Variants in NXPE4 observed in about 807,000 individuals in gnomAD.
The protein encoded by NXPE4 is NXPE family member 4.
A neutral mutation model predicts 33.3 loss-of-function variants in NXPE4; 42 were observed. That is an observed-to-expected ratio of 1.26 (90% CI 0.98 to 1.63). The LOEUF is 1.63. NXPE4 is among the 40% of genes most tolerant of loss of function. The pLI, the probability that NXPE4 is intolerant of heterozygous loss-of-function variation, is 0.00. For synonymous variants in NXPE4, 253 were observed against 234.9 expected (o/e 1.08, Z -0.71); for missense variants, 709 against 647.6 (o/e 1.09, Z -1.03).
At chr11:114,601,772 T>TTA in the NXPE4 span, among the ~76,000 whole-genome samples, 3 of 72,720 alleles carry the variant, frequency 4.1e-5, no homozygotes, top group Admixed American at 2.6e-4. Context: ...TGATTATATA[T>TTA]TATAATTATA....
intron 2 of NXPE4, among the ~76,000 whole-genome samples, chr11:114,589,585 T>TTA (rs1253234498): frequency 6.6e-6 from 1 of 152,150 alleles, no homozygotes; most frequent in African/African-American, 2.4e-5. Flanking sequence ...GCCAGCATAC[T>TTA]TATAGCCCCA....
chr11:114,614,152 A>T, the NXPE4 span, among the ~76,000 whole-genome samples: 2 of 146,940 alleles, frequency 1.4e-5, no homozygotes, highest in African/African-American at 5.1e-5. Flanking sequence ...GTGCTGCCTC[A>T]TGGGTACCAA....
Position 114,571,239 on chromosome 11 carries a change from T to G in NXPE4, c.1334A>C (p.Asp445Ala), listed in dbSNP as rs202233557. ...ATTGAGGGCCCTTCGGATAAAAACA[T>G]CAATGGGAAAGGGTCTGAAATGCTG... Reference protein sequence around the residue: ...LGQHFRPFPIDVFIRRALNVH... With the variant: ...LGQHFRPFPIAVFIRRALNVH... The change falls in exon 6 of 6, where the codon GAT (aspartate) becomes GCT (alanine). Residue 445 changes from aspartate (D) to alanine (A), a missense_variant. By Grantham distance (126) the Asp-to-Ala change is moderately radical (BLOSUM62 -2). Coordinates refer to ENST00000375478, the MANE Select transcript of NXPE4 (RefSeq NM_001077639.2). The G allele has an allele frequency of 1.7e-5, 27 of 1,613,904 alleles. No individual in the cohort carries two copies. The highest frequency in any genetic ancestry group is 1.7e-5 in the Admixed American group (1 of 59,972).
chr11:114,641,637 A>T, the NXPE4 span, among the ~76,000 whole-genome samples: 64,420 of 151,688 alleles, frequency 0.42, 15,007 homozygotes, highest in African/African-American at 0.61. Context: ...AAAAGTAGAA[A>T]TCAAGAAATC....
chr11:114,572,499 A>G (rs1948913310), intron 5 of NXPE4, among the ~76,000 whole-genome samples: 1 of 152,210 alleles, frequency 6.6e-6, no homozygotes, highest in Non-Finnish European at 1.5e-5. Flanking sequence ...TTCTTCAGTG[A>G]AATAGATAGT....
chr11:114,660,864 A>G, the NXPE4 span, among the ~76,000 whole-genome samples: 1 of 152,154 alleles, frequency 6.6e-6, no homozygotes, highest in Non-Finnish European at 1.5e-5. Flanking sequence ...TCTACATAAA[A>G]TCTACCAGAA....
At chr11:114,637,004 T>A in the NXPE4 span, among the ~76,000 whole-genome samples, 1 of 152,158 alleles carries the variant, frequency 6.6e-6, no homozygotes, top group Non-Finnish European at 1.5e-5. Context: ...CTGAGTTCAA[T>A]TCCTGGGTAT....
At chr11:114,632,295 C>A in the NXPE4 span, among the ~76,000 whole-genome samples, 2 of 133,756 alleles carry the variant, frequency 1.5e-5, no homozygotes, top group Non-Finnish European at 3.1e-5. Flanking sequence ...TGTATATTAT[C>A]CACCACCACC....
intron 5 of NXPE4, among the ~76,000 whole-genome samples, chr11:114,571,943 A>T (rs1228662676): frequency 1.3e-5 from 2 of 152,206 alleles, no homozygotes; most frequent in Non-Finnish European, 2.9e-5. Flanking sequence ...AGGCCAACGA[A>T]CACAAAACCA....
At chr11:114,628,894 C>T in the NXPE4 span, among the ~76,000 whole-genome samples, 3 of 152,042 alleles carry the variant, frequency 2.0e-5, no homozygotes, top group South Asian at 6.2e-4. Context: ...CTACAAACAC[C>T]TCTATGCAAA....
chr11:114,623,492 T>G, the NXPE4 span, among the ~76,000 whole-genome samples: 1 of 152,128 alleles, frequency 6.6e-6, no homozygotes, highest in African/African-American at 2.4e-5. Context: ...GGGTAACCAC[T>G]GTTACCCAGT....
the NXPE4 span, among the ~76,000 whole-genome samples, chr11:114,609,951 C>T: frequency 6.6e-6 from 1 of 151,904 alleles, no homozygotes; most frequent in East Asian, 2.0e-4. Flanking sequence ...CGTGGGTAAC[C>T]ACTGTTACAC....
the NXPE4 span, among the ~76,000 whole-genome samples, chr11:114,612,892 G>T: frequency 6.6e-6 from 1 of 151,908 alleles, no homozygotes; most frequent in East Asian, 1.9e-4. Flanking sequence ...GTTGCCTCAC[G>T]GGTAAGCACT....
At chr11:114,585,187 C>T (rs1949262806) in intron 2 of NXPE4, among the ~76,000 whole-genome samples, 1 of 151,700 alleles carries the variant, frequency 6.6e-6, no homozygotes, top group South Asian at 2.1e-4. Context: ...CTGTCTTCCC[C>T]CAGTTCTGCA....
the NXPE4 span, among the ~76,000 whole-genome samples, chr11:114,607,597 C>A: frequency 6.6e-6 from 1 of 151,890 alleles, no homozygotes. Flanking sequence ...ATAAGTCATG[C>A]CTCGTGAGTA....
At chr11:114,638,417 C>T in the NXPE4 span, among the ~76,000 whole-genome samples, 42 of 151,990 alleles carry the variant, frequency 2.8e-4, no homozygotes, top group Non-Finnish European at 5.1e-4. Context: ...TGAATTTCCT[C>T]CTGTAGCTCA....
the NXPE4 span, among the ~76,000 whole-genome samples, chr11:114,626,177 G>A: frequency 1.3e-5 from 2 of 152,164 alleles, no homozygotes; most frequent in Non-Finnish European, 2.9e-5. Context: ...GCCCACCACA[G>A]CTTAAGGAGG....
the NXPE4 span, among the ~76,000 whole-genome samples, chr11:114,656,232 G>C: frequency 6.6e-6 from 1 of 151,958 alleles, no homozygotes; most frequent in Non-Finnish European, 1.5e-5. Flanking sequence ...GGGATGCAAA[G>C]GACCTCTTCA....
At chr11:114,605,008 A>G in the NXPE4 span, among the ~76,000 whole-genome samples, 101,781 of 151,530 alleles carry the variant, frequency 0.67, 34,410 homozygotes, top group African/African-American at 0.75. Flanking sequence ...GCATTGCCTC[A>G]CAGGTAACCA....
Sources: allele counts gnomAD v4.1 joint callset (sites outside exome capture counted in the v4.1 genomes callset), GRCh38; gene constraint gnomAD v4.1.1; transcripts MANE v1.5; gene names NCBI Gene and HGNC (gene_info 2026-07-23, HGNC 2026-07-21).